The following ANKDD1B variants were observed in gnomAD, a reference collection of about 807,000 sequenced individuals.
ANKDD1B encodes ankyrin repeat and death domain-containing protein 1B.
In ANKDD1B, 57 loss-of-function variants were observed where a neutral mutation model predicts 59.7. The observed-to-expected ratio is 0.95, with a 90% CI of 0.77 to 1.19. The LOEUF is 1.19. ANKDD1B is among the 50% of genes most tolerant of loss of function. The pLI is 0.00. For missense variants in ANKDD1B, 602 were observed against 641.9 expected (o/e 0.94, Z 0.67); for synonymous variants, 216 against 239.5 (o/e 0.90, Z 0.91).
intron 10 of ANKDD1B, among the ~76,000 whole-genome samples, chr5:75,663,083 C>T (rs772802440): frequency 2.6e-5 from 4 of 152,148 alleles, no homozygotes; most frequent in Non-Finnish European, 5.9e-5. Flanking sequence ...AGATACTTCC[C>T]AGAAGTTGCA....
chr5:75,651,929 C>T (rs943786890), intron 7 of ANKDD1B, among the ~76,000 whole-genome samples: 1 of 152,214 alleles, frequency 6.6e-6, no homozygotes, highest in Non-Finnish European at 1.5e-5. Context: ...TGTATCCTCA[C>T]ATGGCAGAAA....
intron 5 of ANKDD1B, among the ~76,000 whole-genome samples, chr5:75,632,156 A>G (rs2112974713): frequency 6.6e-6 from 1 of 152,106 alleles, no homozygotes; most frequent in South Asian, 2.1e-4. Flanking sequence ...ATTGGTGGAC[A>G]TTGAAGTTGC....
chr5:75,611,949 C>G lies in ANKDD1B; in HGVS notation c.193+122C>G, dbSNP rs148362426. The G allele has an allele frequency of 6.7e-4, 551 of 821,706 alleles. 5 individuals are homozygous for G. In the East Asian group the frequency reaches 0.017, roughly 25 times the overall value. 50.9% of individuals were successfully genotyped at this position (821,706 alleles called of 1,614,324 possible). A position where few individuals can be genotyped will look rare whatever the true frequency, so the allele number is the denominator to read the frequency against. On this transcript the variant is annotated intron_variant, in intron 1 of 13. Transcript: ENST00000601380. ...CAGGAGGGAAACTGGCGAGGCGACT[C>G]AGCCCTGGGACCCCGAGTCCCAGCC...
intron 7 of ANKDD1B, among the ~76,000 whole-genome samples, chr5:75,639,618 A>G (rs1460080997): frequency 6.6e-6 from 1 of 152,240 alleles, no homozygotes; most frequent in African/African-American, 2.4e-5. Context: ...TCCTGTTAAC[A>G]TGATTGTTTA....
At chr5:75,622,504 C>T (rs1438261537) in intron 3 of ANKDD1B, among the ~76,000 whole-genome samples, 3 of 152,078 alleles carry the variant, frequency 2.0e-5, no homozygotes, top group African/African-American at 7.2e-5. Context: ...AACCCCGAGT[C>T]CTGGGAAGAG....
intron 10 of ANKDD1B, among the ~76,000 whole-genome samples, chr5:75,661,684 C>A (rs1775156563): frequency 6.6e-6 from 1 of 151,950 alleles, no homozygotes; most frequent in South Asian, 2.1e-4. Flanking sequence ...ATGTTGGGGT[C>A]CCTGCTGCTT....
intron 5 of ANKDD1B, among the ~76,000 whole-genome samples, chr5:75,630,834 A>G (rs993965787): frequency 6.6e-6 from 1 of 152,260 alleles, no homozygotes; most frequent in African/African-American, 2.4e-5. Context: ...GCCTGTCAGC[A>G]TTATTCATAG....
At chr5:75,628,231 G>A (rs1394562476) in intron 5 of ANKDD1B, among the ~76,000 whole-genome samples, 1 of 152,202 alleles carries the variant, frequency 6.6e-6, no homozygotes, top group African/African-American at 2.4e-5. Flanking sequence ...AAGGGAAAGT[G>A]GGAATTATTG....
chr5:75,667,697 A>G (rs892493105), intron 12 of ANKDD1B, among the ~76,000 whole-genome samples: 1 of 152,214 alleles, frequency 6.6e-6, no homozygotes, highest in African/African-American at 2.4e-5. Context: ...CTTGGCATTA[A>G]TCAACTAATT....
intron 7 of ANKDD1B, among the ~76,000 whole-genome samples, chr5:75,650,646 A>G (rs1054252371): frequency 6.6e-6 from 1 of 152,216 alleles, no homozygotes; most frequent in Admixed American, 6.5e-5. Flanking sequence ...GACAGGCCAC[A>G]TATCCAAGGT....
At position 75,635,743 on chromosome 5, in the gene ANKDD1B, C is replaced by G. The variant is rs754594820; in HGVS notation, c.700-41C>G. On this transcript the variant is annotated intron_variant, in intron 6 of 13. Coordinates refer to ENST00000601380, the MANE Select transcript of ANKDD1B (RefSeq NM_001276713.2). ...CTTACTATTGAAGGAGCATGCTCTCCTGGCACAGGGGTTTCTACGTCGAGT... is the reference window on the plus strand; with the variant it reads ...CTTACTATTGAAGGAGCATGCTCTCGTGGCACAGGGGTTTCTACGTCGAGT... 1.3e-5 allele frequency: 17 copies of G among 1,329,036 alleles called. No homozygotes were observed. The South Asian group carries it at 1.9e-4, about 15-fold the overall frequency. The allele number at this position is 1,329,036 out of a possible 1,614,324, so 82.3% of individuals were successfully genotyped here.
At chr5:75,650,103 G>T (rs1413997468) in intron 7 of ANKDD1B, among the ~76,000 whole-genome samples, 1 of 152,172 alleles carries the variant, frequency 6.6e-6, no homozygotes, top group Non-Finnish European at 1.5e-5. Flanking sequence ...TGGTAGGCAG[G>T]GTCAGGTTCC....
chr5:75,613,129 G>A (rs1773615314), intron 1 of ANKDD1B, among the ~76,000 whole-genome samples: 2 of 152,208 alleles, frequency 1.3e-5, no homozygotes, highest in African/African-American at 4.8e-5. Flanking sequence ...AGTTTCAGTA[G>A]AGGGGTGGGA....
At chr5:75,668,954 CTA>C (rs1775391115) in intron 12 of ANKDD1B, among the ~76,000 whole-genome samples, 1 of 152,310 alleles carries the variant, frequency 6.6e-6, no homozygotes, top group East Asian at 1.9e-4. Flanking sequence ...GAGCACTGGT[CTA>C]TGAGAAGTTG....
chr5:75,630,502 G>A lies in ANKDD1B; in HGVS notation c.601-4396G>A, dbSNP rs373869125. Among the ~76,000 whole-genome samples the A allele has an allele frequency of 2.8e-3, 423 of 152,350 alleles. 1 individual carries two copies. Among genetic ancestry groups the A allele is most frequent in the Middle Eastern group, 0.017 (5 of 294 alleles). On this transcript the variant is annotated intron_variant, in intron 5 of 13. Transcript: ENST00000601380. ...GAAAGATGTTTCATCTGTGGTAACT[G>A]TAGTCTTTTCTCAGAACCTCCCATC...
At chr5:75,660,161 G>T (rs1775090713) in intron 10 of ANKDD1B, among the ~76,000 whole-genome samples, 1 of 152,112 alleles carries the variant, frequency 6.6e-6, no homozygotes, top group Non-Finnish European at 1.5e-5. Flanking sequence ...AGTTCAGTAT[G>T]GTTAAGCATA....
At chr5:75,653,532 C>T (rs892426321) in intron 8 of ANKDD1B, among the ~76,000 whole-genome samples, 11 of 152,318 alleles carry the variant, frequency 7.2e-5, no homozygotes, top group South Asian at 2.1e-4. Context: ...GATGCCATTA[C>T]TCTTGTATTA....
At chr5:75,621,752 CAG>C (rs1773853946) in intron 3 of ANKDD1B, among the ~76,000 whole-genome samples, 1 of 152,160 alleles carries the variant, frequency 6.6e-6, no homozygotes, top group African/African-American at 2.4e-5. Flanking sequence ...TGGTTTGTGT[CAG>C]AGTGCAAATC....
intron 11 of ANKDD1B, 110 bp from the exon 12 acceptor site, chr5:75,666,680 CAT>C (rs1775314470): frequency 1.4e-6 from 1 of 711,130 alleles, no homozygotes; most frequent in Non-Finnish European, 2.3e-6. Context: ...GCATTGAAAA[CAT>C]AGTCTCGGTT....
Sources: gnomAD v4.1 joint callset for allele counts (sites outside exome capture counted in the v4.1 genomes callset) on GRCh38, gnomAD v4.1.1 for gene constraint, MANE v1.5 for transcripts, NCBI Gene and HGNC (gene_info 2026-07-23, HGNC 2026-07-21) for gene names.